TRIM9: variants seen among roughly 807,000 people sequenced by gnomAD.
TRIM9 encodes E3 ubiquitin-protein ligase TRIM9.
In TRIM9, 26 loss-of-function variants were observed where a neutral mutation model predicts 78.3. The observed-to-expected ratio is 0.33, with a 90% CI of 0.24 to 0.46. TRIM9 has a LOEUF of 0.46. Among genes scored for constraint, TRIM9 ranks in the 20% least tolerant of loss-of-function variants. The pLI, the probability that TRIM9 is intolerant of heterozygous loss-of-function variation, is 1.00. For missense variants in TRIM9, 787 were observed against 1,036.4 expected, an observed-to-expected ratio of 0.76 and a Z score of 3.30; for synonymous variants, 398 against 416.5, an observed-to-expected ratio of 0.96 and a Z score of 0.54.
At chr14:51,066,790 C>T (rs2061780058) in intron 1 of TRIM9, among the ~76,000 whole-genome samples, 1 of 152,182 alleles carries the variant, frequency 6.6e-6, no homozygotes, top group South Asian at 2.1e-4. Context: ...TGCAGCTCGG[C>T]GTTTGCCTTA....
At chr14:50,979,181 C>T (rs1396955580) in intron 12 of TRIM9, 32 of 1,441,040 alleles carry the variant, frequency 2.2e-5, no homozygotes, top group South Asian at 9.2e-5. Context: ...AACTAGTCTG[C>T]GTCCAAGTAT....
intron 1 of TRIM9, 125 bp from the exon 2 acceptor site, chr14:51,025,485 T>G: frequency 1.3e-6 from 1 of 768,998 alleles, no homozygotes; most frequent in South Asian, 1.7e-5. Flanking sequence ...TGGACCTTTT[T>G]GCTGGCATTT....
chr14:51,028,259 T>G (rs1293908734), intron 1 of TRIM9, among the ~76,000 whole-genome samples: 2 of 148,728 alleles, frequency 1.3e-5, no homozygotes, highest in African/African-American at 5.0e-5. Context: ...TGATAAAAAA[T>G]TGCATTATAA....
chr14:51,024,312 A>C (rs2058029515), intron 2 of TRIM9, among the ~76,000 whole-genome samples: 1 of 152,246 alleles, frequency 6.6e-6, no homozygotes, highest in Non-Finnish European at 1.5e-5. Flanking sequence ...TTTGGAAAAC[A>C]GAAGGAAGTA....
chr14:51,050,151 T>C (rs1326060755), intron 1 of TRIM9, among the ~76,000 whole-genome samples: 3 of 152,184 alleles, frequency 2.0e-5, no homozygotes, highest in Non-Finnish European at 4.4e-5. Context: ...GAAGACTGTA[T>C]TTTCCAAAGA....
chr14:51,036,490 A>T (rs2059163529), intron 1 of TRIM9, among the ~76,000 whole-genome samples: 1 of 152,186 alleles, frequency 6.6e-6, no homozygotes, highest in African/African-American at 2.4e-5. Flanking sequence ...TTACCAGCTC[A>T]ACCAGAAACA....
chr14:51,015,313 T>C (rs901417518), intron 3 of TRIM9, among the ~76,000 whole-genome samples: 4 of 151,866 alleles, frequency 2.6e-5, no homozygotes, highest in African/African-American at 9.7e-5. Flanking sequence ...CAGACCAATC[T>C]CCTTCCTCCA....
chr14:51,047,259 C>T (rs2060019119), intron 1 of TRIM9, among the ~76,000 whole-genome samples: 1 of 152,192 alleles, frequency 6.6e-6, no homozygotes, highest in South Asian at 2.1e-4. Flanking sequence ...CAAGCCCTAA[C>T]TCAAGCATTA....
At chr14:51,071,168 G>C (rs1419812537) in intron 1 of TRIM9, among the ~76,000 whole-genome samples, 1 of 151,910 alleles carries the variant, frequency 6.6e-6, no homozygotes, top group Non-Finnish European at 1.5e-5. Flanking sequence ...CCTGAGGTCA[G>C]GAGTTCAAAA....
chr14:51,070,237 A>C (rs2062098957), intron 1 of TRIM9, among the ~76,000 whole-genome samples: 1 of 152,232 alleles, frequency 6.6e-6, no homozygotes, highest in Non-Finnish European at 1.5e-5. Context: ...TCGTTCAAGC[A>C]TGAGTTATAG....
chr14:51,074,732 GAGCTCAA>G (rs2062603832), intron 1 of TRIM9, among the ~76,000 whole-genome samples: 1 of 152,206 alleles, frequency 6.6e-6, no homozygotes, highest in East Asian at 1.9e-4. Flanking sequence ...TAAGGGGGCA[GAGCTCAA>G]AGCTGGTCAG....
Position 50,977,079 on chromosome 14 carries a change from G to A in TRIM9, c.*212C>T, listed in dbSNP as rs2051142848. On this transcript the variant is annotated 3_prime_UTR_variant, in exon 13 of 13. Transcript: ENST00000684578. Reference sequence around the variant, plus strand: ...GGTCCTTTGTTGGTTAGAATTGTTGGACATGGAAGCGGAAGCAGGCATGAC... The same window carrying A: ...GGTCCTTTGTTGGTTAGAATTGTTGAACATGGAAGCGGAAGCAGGCATGAC... 2.7e-6 allele frequency: 1 copy of A among 375,068 alleles called. No individual in the cohort carries two copies. The highest frequency in any genetic ancestry group is 2.1e-5 in the African/African-American group (1 of 48,240). The allele number at this position is 375,068 out of a possible 1,614,324, so 23.2% of individuals were successfully genotyped here.
intron 1 of TRIM9, among the ~76,000 whole-genome samples, chr14:51,075,148 CAG>C (rs1245387865): frequency 6.6e-6 from 1 of 152,118 alleles, no homozygotes; most frequent in African/African-American, 2.4e-5. Context: ...GCTAGAGGTG[CAG>C]AGGAGTTAAG....
chr14:50,999,393 C>A (rs2054646989), intron 6 of TRIM9, among the ~76,000 whole-genome samples: 1 of 151,976 alleles, frequency 6.6e-6, no homozygotes, highest in Admixed American at 6.6e-5. Context: ...CTCACACACA[C>A]TGCAAAAGAC....
intron 1 of TRIM9, among the ~76,000 whole-genome samples, chr14:51,044,556 C>T (rs1009374639): frequency 6.6e-6 from 1 of 152,108 alleles, no homozygotes; most frequent in Non-Finnish European, 1.5e-5. Context: ...ATGGCCTTAA[C>T]GACTGGAACT....
intron 1 of TRIM9, among the ~76,000 whole-genome samples, chr14:51,085,295 G>A (rs918781960): frequency 6.6e-6 from 1 of 152,220 alleles, no homozygotes; most frequent in Non-Finnish European, 1.5e-5. Flanking sequence ...ATGTACTCCT[G>A]ACAGAAGGTG....
Position 51,094,685 on chromosome 14 carries a change from G to C in TRIM9, c.255C>G (p.Ala85=). The C allele has an allele frequency of 6.3e-7, 1 of 1,576,292 alleles. No individual in the cohort carries two copies. Among genetic ancestry groups the C allele is most frequent in the Non-Finnish European group, 8.6e-7 (1 of 1,159,978 alleles). Residue 85 remains alanine (A), a synonymous_variant, in exon 1 of 13, where the codon GCC becomes GCG. Transcript: ENST00000684578. The part of the protein sequence containing the change: ...DSGYGSYGGF[A]SAPTTPCQKS... ...TCTGGCACGGGGTAGTGGGGGCGCT[G>C]GCGAACCCCCCGTAGGAGCCATAGC...
At chr14:51,020,537 C>T (rs1226648164) in intron 3 of TRIM9, among the ~76,000 whole-genome samples, 1 of 152,204 alleles carries the variant, frequency 6.6e-6, no homozygotes, top group Non-Finnish European at 1.5e-5. Flanking sequence ...GCTCAGTGGC[C>T]CCCAAATGCA....
At chr14:51,076,757 G>C (rs1391478439) in intron 1 of TRIM9, among the ~76,000 whole-genome samples, 1 of 152,178 alleles carries the variant, frequency 6.6e-6, no homozygotes, top group African/African-American at 2.4e-5. Flanking sequence ...CCATTTTCCA[G>C]ATGAGAAAAC....
Sources: gnomAD v4.1 joint callset for allele counts (sites outside exome capture counted in the v4.1 genomes callset) on GRCh38, gnomAD v4.1.1 for gene constraint, MANE v1.5 for transcripts, NCBI Gene and HGNC (gene_info 2026-07-23, HGNC 2026-07-21) for gene names.